The following ARHGAP18 variants were observed in gnomAD, a reference collection of about 807,000 sequenced individuals.
ARHGAP18 encodes Rho GTPase activating protein 18, also known as rho GTPase-activating protein 18.
A neutral mutation model predicts 86.2 loss-of-function variants in ARHGAP18; 67 were observed. The observed-to-expected ratio is 0.78, with a 90% CI of 0.64 to 0.95. The LOEUF (loss-of-function observed/expected upper bound fraction) is 0.95, where lower values mean the gene tolerates loss of function less well. Among genes scored for constraint, ARHGAP18 ranks in the 40% least tolerant of loss-of-function variants. The pLI, the probability that ARHGAP18 is intolerant of heterozygous loss-of-function variation, is 0.00. For synonymous variants in ARHGAP18, 283 were observed against 280.4 expected (o/e 1.01, Z -0.09); for missense variants, 691 against 780.4 (o/e 0.89, Z 1.37).
chr6:129,665,668 A>G (rs894718996), intron 1 of ARHGAP18, among the ~76,000 whole-genome samples: 39 of 152,238 alleles, frequency 2.6e-4, no homozygotes, highest in African/African-American at 9.4e-4. Context: ...CAGGTAGTTA[A>G]TAACAACATA....
chr6:129,690,883 T>C (rs1161672898), intron 1 of ARHGAP18, among the ~76,000 whole-genome samples: 2 of 152,222 alleles, frequency 1.3e-5, no homozygotes, highest in African/African-American at 2.4e-5. Flanking sequence ...TCTTAAAATC[T>C]TTGAAATTGA....
At chr6:129,639,423 C>T (rs1773400181) in intron 2 of ARHGAP18, among the ~76,000 whole-genome samples, 1 of 152,030 alleles carries the variant, frequency 6.6e-6, no homozygotes, top group South Asian at 2.1e-4. Context: ...GGATCTGTAC[C>T]CCATTTCTGC....
At chr6:129,626,672 T>C (rs200161112) in intron 5 of ARHGAP18, among the ~76,000 whole-genome samples, 17 of 147,164 alleles carry the variant, frequency 1.2e-4, no homozygotes, top group East Asian at 4.0e-4. Context: ...CACACACACA[T>C]ACACACACAC....
At chr6:129,578,981 T>C (rs1352101494) in intron 14 of ARHGAP18, among the ~76,000 whole-genome samples, 1 of 151,368 alleles carries the variant, frequency 6.6e-6, no homozygotes, top group Non-Finnish European at 1.5e-5. Context: ...AAACAAATAA[T>C]AATAATAAAA....
At chr6:129,667,922 T>C (rs1286141688) in intron 1 of ARHGAP18, among the ~76,000 whole-genome samples, 1 of 152,172 alleles carries the variant, frequency 6.6e-6, no homozygotes, top group Admixed American at 6.5e-5. Context: ...GCATCAGTGG[T>C]ATCTTTTTCA....
chr6:129,675,575 T>C (rs1774217590), intron 1 of ARHGAP18, among the ~76,000 whole-genome samples: 1 of 151,998 alleles, frequency 6.6e-6, no homozygotes, highest in Non-Finnish European at 1.5e-5. Flanking sequence ...CACAGACATC[T>C]AAAAAAGATG....
At chr6:129,683,641 G>T (rs1774366838) in intron 1 of ARHGAP18, among the ~76,000 whole-genome samples, 1 of 152,170 alleles carries the variant, frequency 6.6e-6, no homozygotes, top group African/African-American at 2.4e-5. Context: ...AAGCCCTGAT[G>T]AGTCAAAAAT....
chr6:129,660,777 T>C (rs2114518746), intron 1 of ARHGAP18, among the ~76,000 whole-genome samples: 1 of 152,286 alleles, frequency 6.6e-6, no homozygotes, highest in South Asian at 2.1e-4. Flanking sequence ...AAAGAGTTAC[T>C]GGCTGGAGAT....
At chr6:129,703,778 T>C (rs1326377096) in intron 1 of ARHGAP18, among the ~76,000 whole-genome samples, 5 of 152,262 alleles carry the variant, frequency 3.3e-5, no homozygotes, top group East Asian at 1.9e-4. Context: ...AGGACTCTTA[T>C]GTCATGAAAT....
chr6:129,654,897 TC>T (rs1773794376), intron 1 of ARHGAP18, among the ~76,000 whole-genome samples: 2 of 152,206 alleles, frequency 1.3e-5, no homozygotes, highest in African/African-American at 2.4e-5. Context: ...TCCCAGGACC[TC>T]GACTGAACCT....
At chr6:129,631,691 C>T (rs1410671180) in intron 4 of ARHGAP18, among the ~76,000 whole-genome samples, 1 of 151,502 alleles carries the variant, frequency 6.6e-6, no homozygotes, top group East Asian at 1.9e-4. Flanking sequence ...TTTCAGTTGT[C>T]CAAAATATCC....
intron 1 of ARHGAP18, among the ~76,000 whole-genome samples, chr6:129,706,465 A>C (rs889855930): frequency 1.3e-5 from 2 of 152,236 alleles, no homozygotes; most frequent in East Asian, 1.9e-4. Context: ...GAATTCCTTA[A>C]TCTGACATTC....
chr6:129,672,755 A>G (rs532179582), intron 1 of ARHGAP18, among the ~76,000 whole-genome samples: 66 of 152,360 alleles, frequency 4.3e-4, no homozygotes, highest in Non-Finnish European at 7.3e-4. Flanking sequence ...TTCATGCTCT[A>G]TGGCTAAGAA....
At chr6:129,625,412 T>TATATATC (rs1789377745) in intron 5 of ARHGAP18, among the ~76,000 whole-genome samples, 1 of 38,986 alleles carries the variant, frequency 2.6e-5, no homozygotes, top group African/African-American at 1.5e-4. Flanking sequence ...TATTATATAT[T>TATATATC]ATATATAATA....
chr6:129,585,044 A>G (rs1013810510), intron 12 of ARHGAP18, among the ~76,000 whole-genome samples: 4 of 143,458 alleles, frequency 2.8e-5, no homozygotes, highest in African/African-American at 7.8e-5. Context: ...TTTAATGTAC[A>G]TGGTCTTGAA....
At chr6:129,583,863 G>C (rs1251844663) in intron 13 of ARHGAP18, 125 bp downstream of exon 13, 7 of 1,209,596 alleles carry the variant, frequency 5.8e-6, no homozygotes, top group Admixed American at 2.5e-5. Flanking sequence ...ATATTTTTAA[G>C]CATTTCATAC....
intron 1 of ARHGAP18, among the ~76,000 whole-genome samples, chr6:129,699,358 A>AT (rs1293494426): frequency 2.6e-5 from 4 of 152,206 alleles, no homozygotes; most frequent in African/African-American, 7.2e-5. Context: ...GGGGAAGGAC[A>AT]TTGTACTAAA....
At chr6:129,616,422 C>T in intron 6 of ARHGAP18, 119 bp from the exon 7 acceptor site, 2 of 750,370 alleles carry the variant, frequency 2.7e-6, no homozygotes, top group Admixed American at 5.2e-5. Flanking sequence ...TTAGCAACTA[C>T]TAAGTGAATG....
chr6:129,625,902 TTA>T (rs796806121), intron 5 of ARHGAP18, among the ~76,000 whole-genome samples: 16,695 of 57,320 alleles, frequency 0.29, 2,417 homozygotes, highest in Non-Finnish European at 0.34. Context: ...TATTATATAT[TTA>T]TATATTATAT....
Sources: gnomAD v4.1 joint callset for allele counts (sites outside exome capture counted in the v4.1 genomes callset) on GRCh38, gnomAD v4.1.1 for gene constraint, MANE v1.5 for transcripts, NCBI Gene and HGNC (gene_info 2026-07-23, HGNC 2026-07-21) for gene names.